SH3TC2: variants seen among roughly 807,000 people sequenced by gnomAD.
SH3TC2 encodes the protein SH3 domain and tetratricopeptide repeat-containing protein 2.
SH3TC2 carries 87 observed loss-of-function variants against 124.5 expected under a neutral mutation model. That is an observed-to-expected ratio of 0.70 (90% CI 0.59 to 0.84). The LOEUF (loss-of-function observed/expected upper bound fraction) is 0.84, where lower values mean the gene tolerates loss of function less well. Among genes scored for constraint, SH3TC2 ranks in the 40% least tolerant of loss-of-function variants. The pLI is 0.00. For missense variants in SH3TC2, 1,536 were observed against 1,566.4 expected, an observed-to-expected ratio of 0.98 and a Z score of 0.33; for synonymous variants, 634 against 628.5, an observed-to-expected ratio of 1.01 and a Z score of -0.13.
At position 149,033,811 on chromosome 5, in the gene SH3TC2, C is replaced by G. The variant is rs1473979667; in HGVS notation, c.1002-2124G>C. On this transcript the variant is annotated intron_variant, in intron 8 of 16. Coordinates refer to ENST00000515425, the MANE Select transcript of SH3TC2 (RefSeq NM_024577.4). The stretch of plus-strand genomic sequence containing the variant: ...CACTACCTGGTGTTGGTACCACGAT[C>G]CAAGAATTAATAGTAAAAAATCAGT... Among the ~76,000 whole-genome samples, 6 of 152,248 alleles carry G rather than the reference C, an allele frequency of 3.9e-5. No individual in the cohort carries two copies. The South Asian group carries it at 1.2e-3, about 32-fold the overall frequency.
intron 3 of SH3TC2, 54 bp downstream of exon 3, chr5:149,047,808 T>C (rs770135472): frequency 8.1e-6 from 13 of 1,610,168 alleles, no homozygotes; most frequent in Admixed American, 6.7e-5. Flanking sequence ...AGGGATCCTG[T>C]AGCAGACTGA....
At chr5:149,037,690 G>A (rs36069) in intron 8 of SH3TC2, among the ~76,000 whole-genome samples, 2 of 152,020 alleles carry the variant, frequency 1.3e-5, no homozygotes, top group Non-Finnish European at 2.9e-5. Context: ...AGCAATACCC[G>A]ATATCTCTGT....
chr5:149,042,537 CAG>C (rs1301095935), intron 5 of SH3TC2, among the ~76,000 whole-genome samples, 155 bp downstream of exon 5: 1 of 152,180 alleles, frequency 6.6e-6, no homozygotes, highest in Non-Finnish European at 1.5e-5. Flanking sequence ...GTGTTGAACT[CAG>C]AGGAATGTTC....
intron 12 of SH3TC2, among the ~76,000 whole-genome samples, chr5:149,019,996 A>T (rs1753940858): frequency 6.6e-6 from 1 of 152,140 alleles, no homozygotes; most frequent in African/African-American, 2.4e-5. Flanking sequence ...CTCAGAGCTC[A>T]CTCAGCGCAG....
At chr5:149,053,664 A>C (rs541092661) in intron 1 of SH3TC2, among the ~76,000 whole-genome samples, 31 of 152,322 alleles carry the variant, frequency 2.0e-4, no homozygotes, top group African/African-American at 7.0e-4. Context: ...CTTCCCATAC[A>C]TGAGTTCAAT....
rs189223954 is a variant in SH3TC2 at position 149,041,661 on chromosome 5, G to A, written c.530-44C>T. Reference sequence around the variant, plus strand: ...GCAATGGCTTTCTAAGGAGTAGCAGGAAGTGAAAACGGATTATCACACAAA... The same window carrying A: ...GCAATGGCTTTCTAAGGAGTAGCAGAAAGTGAAAACGGATTATCACACAAA... On this transcript the variant is annotated intron_variant, in intron 5 of 16. Coordinates refer to ENST00000515425, the MANE Select transcript of SH3TC2 (RefSeq NM_024577.4). 82 of 1,601,660 alleles carry A rather than the reference G, an allele frequency of 5.1e-5. No individual in the cohort carries two copies. The African/African-American group carries it at 9.2e-4, about 18-fold the overall frequency.
In SH3TC2 at chr5:148,995,677, T is replaced by C. The variant is rs750855366; in HGVS notation, c.*9034A>G. On this transcript the variant is annotated 3_prime_UTR_variant, in exon 17 of 17. Transcript: ENST00000515425. ...ACCCAAGTCCAACATTTCATTCCTT[T>C]ATTTTTTTATTCACCCATTCAACAA... 9.8e-5 allele frequency among the ~76,000 whole-genome samples: 15 copies of C among 152,334 alleles called. No individual in the cohort carries two copies. Among genetic ancestry groups the C allele is most frequent in the Non-Finnish European group, 1.5e-4 (10 of 68,034 alleles).
chr5:149,011,106 A>G (rs1753776408), intron 13 of SH3TC2, among the ~76,000 whole-genome samples: 1 of 152,266 alleles, frequency 6.6e-6, no homozygotes, highest in Non-Finnish European at 1.5e-5. Flanking sequence ...CACCTGCAGC[A>G]CAGTTACAGG....
chr5:149,049,294 G>A (rs1754517506), intron 2 of SH3TC2, among the ~76,000 whole-genome samples: 1 of 152,194 alleles, frequency 6.6e-6, no homozygotes, highest in Admixed American at 6.5e-5. Context: ...GGCATGCTGA[G>A]CTCTAGGAGG....
rs1367655032 is a variant in SH3TC2, at chr5:148,987,342, T to C, written c.*17369A>G. Among the ~76,000 whole-genome samples the C allele has an allele frequency of 6.6e-6, 1 of 152,244 alleles. No homozygotes were observed. The highest frequency in any genetic ancestry group is 2.4e-5 in the African/African-American group (1 of 41,466). On this transcript the variant is annotated 3_prime_UTR_variant, in exon 17 of 17. Transcript: ENST00000515425. ...ACAAGAACTTTATAAGTTTTTTTCATTGATCTATTGCTACAGCCTGGGGCA... is the reference window on the plus strand; with the variant it reads ...ACAAGAACTTTATAAGTTTTTTTCACTGATCTATTGCTACAGCCTGGGGCA...
chr5:149,044,490 T>C (rs2127401398), intron 4 of SH3TC2, 43 bp downstream of exon 4: 9 of 1,504,482 alleles, frequency 6.0e-6, no homozygotes, highest in Non-Finnish European at 8.3e-6. Context: ...ATTGGCTAAA[T>C]TGTGGAGGAG....
intron 2 of SH3TC2, among the ~76,000 whole-genome samples, chr5:149,050,586 T>A (rs887939215): frequency 5.3e-5 from 8 of 152,194 alleles, no homozygotes; most frequent in African/African-American, 1.9e-4. Context: ...ATTCAGGTTT[T>A]TTCAGGGGTG....
chr5:149,007,030 A>C lies in SH3TC2; in HGVS notation c.3526T>G (p.Tyr1176Asp), dbSNP rs777028943. The change falls in exon 16 of 17, where the codon TAC becomes GAC. Residue 1176 changes from tyrosine to aspartate, a missense_variant. This residue lies in a region of SH3TC2 where 426 missense variants were observed against 443.5 expected (regional missense o/e 0.96). Transcript: ENST00000515425. ...ATCTCATACATGTGCAGGGAGTAGT[A>C]CACTGTAGCCAGGCGGTGAAAGGCC... ...LVAFHRLATV[Y>D]YSLHMYEMAE... 9.3e-6 allele frequency: 15 copies of C among 1,614,098 alleles called. No individual in the cohort carries two copies. Among genetic ancestry groups the C allele is most frequent in the Admixed American group, 1.7e-5 (1 of 60,008 alleles).
At chr5:149,048,121 G>C (rs1754498332) in intron 2 of SH3TC2, 132 bp from the exon 3 acceptor site, 3 of 1,316,314 alleles carry the variant, frequency 2.3e-6, no homozygotes, top group South Asian at 1.2e-5. Context: ...TTACAGATTA[G>C]AGTGGTCTTA....
intron 12 of SH3TC2, among the ~76,000 whole-genome samples, chr5:149,019,382 A>G (rs1382166302): frequency 6.6e-6 from 1 of 152,188 alleles, no homozygotes; most frequent in Non-Finnish European, 1.5e-5. Context: ...TGAACTGGTC[A>G]TTCTGCAAAG....
At chr5:149,006,828 A>C in intron 16 of SH3TC2, 53 bp downstream of exon 16, 25 of 1,544,592 alleles carry the variant, frequency 1.6e-5, no homozygotes, top group Non-Finnish European at 2.1e-5. Context: ...TGAGTCAGGA[A>C]GGAGAATGGT....
intron 12 of SH3TC2, among the ~76,000 whole-genome samples, chr5:149,024,949 A>T (rs546889918): frequency 6.6e-6 from 1 of 152,158 alleles, no homozygotes; most frequent in African/African-American, 2.4e-5. Flanking sequence ...ATGTCTGGGA[A>T]TATTTAAGAC....
chr5:149,058,827 G>A (rs377215289), intron 1 of SH3TC2, among the ~76,000 whole-genome samples: 5 of 152,112 alleles, frequency 3.3e-5, no homozygotes, highest in Non-Finnish European at 5.9e-5. Flanking sequence ...TACAGTAAGC[G>A]ATGGTGAGGT....
chr5:149,025,617 A>G (rs992540001), intron 12 of SH3TC2, among the ~76,000 whole-genome samples: 3 of 152,246 alleles, frequency 2.0e-5, no homozygotes, highest in African/African-American at 7.2e-5. Flanking sequence ...AATCAATTTA[A>G]GGCTTGTTAC....
Sources: gnomAD v4.1 joint callset for allele counts (sites outside exome capture counted in the v4.1 genomes callset) on GRCh38, gnomAD v4.1.1 for gene constraint, gnomAD v4.1.1 regional missense constraint, MANE v1.5 for transcripts, NCBI Gene and HGNC (gene_info 2026-07-23, HGNC 2026-07-21) for gene names.